The following CTNND2 variants were observed in gnomAD, a reference collection of about 807,000 sequenced individuals.
The protein encoded by CTNND2 is catenin delta-2.
A neutral mutation model predicts 144.4 loss-of-function variants in CTNND2; 22 were observed. That is an observed-to-expected ratio of 0.15 (90% CI 0.11 to 0.22). The LOEUF is 0.22. Ranked by LOEUF, CTNND2 falls within the 10% of genes least tolerant of loss-of-function variation. CTNND2 has a pLI of 1.00. For missense variants in CTNND2, 1,353 were observed against 1,618.8 expected, an observed-to-expected ratio of 0.84 and a Z score of 2.82; for synonymous variants, 751 against 695.6, an observed-to-expected ratio of 1.08 and a Z score of -1.25.
chr5:11,778,602 C>G (rs1256774641), intron 1 of CTNND2, among the ~76,000 whole-genome samples: 1 of 152,120 alleles, frequency 6.6e-6, no homozygotes, highest in Non-Finnish European at 1.5e-5. Flanking sequence ...GACCAGTACT[C>G]CCCAAAACTG....
intron 20 of CTNND2, among the ~76,000 whole-genome samples, chr5:10,985,716 CT>C (rs2149491367): frequency 6.6e-6 from 1 of 152,284 alleles, no homozygotes; most frequent in Non-Finnish European, 1.5e-5. Context: ...AAAAGCATTG[CT>C]TTTGATGTTG....
intron 3 of CTNND2, among the ~76,000 whole-genome samples, chr5:11,466,922 A>G (rs1427534394): frequency 6.6e-6 from 1 of 152,148 alleles, no homozygotes; most frequent in Non-Finnish European, 1.5e-5. Flanking sequence ...GCAATTCACC[A>G]TGAAAGAAAT....
intron 9 of CTNND2, among the ~76,000 whole-genome samples, chr5:11,237,065 G>A (rs529139398): frequency 6.0e-5 from 9 of 150,906 alleles, no homozygotes; most frequent in Admixed American, 4.6e-4. Context: ...TGTCGCCCAG[G>A]CTGGAGTGCA....
chr5:11,579,926 T>C (rs758283866), intron 2 of CTNND2, among the ~76,000 whole-genome samples: 1 of 152,198 alleles, frequency 6.6e-6, no homozygotes, highest in Non-Finnish European at 1.5e-5. Flanking sequence ...TCCCTACATA[T>C]TGGGCCAATT....
chr5:11,268,940 G>T (rs1188529517), intron 9 of CTNND2, among the ~76,000 whole-genome samples: 1 of 152,200 alleles, frequency 6.6e-6, no homozygotes, highest in Non-Finnish European at 1.5e-5. Flanking sequence ...AAGAGATAGG[G>T]AATGTTAGTT....
At chr5:11,152,428 T>G (rs1757823569) in intron 12 of CTNND2, among the ~76,000 whole-genome samples, 1 of 152,214 alleles carries the variant, frequency 6.6e-6, no homozygotes, top group African/African-American at 2.4e-5. Context: ...AATAGACATA[T>G]CATACAGCCT....
At chr5:11,620,895 A>G (rs16901810) in intron 2 of CTNND2, among the ~76,000 whole-genome samples, 2,242 of 152,246 alleles carry the variant, frequency 0.015, 60 homozygotes, top group African/African-American at 0.051. Context: ...TAGTCTATTT[A>G]GTGCTCAGGG....
chr5:11,662,680 A>G (rs1171385856), intron 2 of CTNND2, among the ~76,000 whole-genome samples: 3 of 152,062 alleles, frequency 2.0e-5, no homozygotes, highest in Non-Finnish European at 2.9e-5. Flanking sequence ...CCAAGTTGAC[A>G]CTCAGTATTA....
intron 3 of CTNND2, among the ~76,000 whole-genome samples, chr5:11,512,892 A>T: frequency 6.6e-6 from 1 of 152,138 alleles, no homozygotes; most frequent in Non-Finnish European, 1.5e-5. Context: ...CCCAAACTAC[A>T]CATCCACTCA....
At chr5:11,337,424 C>T (rs985481162) in intron 9 of CTNND2, among the ~76,000 whole-genome samples, 1 of 152,168 alleles carries the variant, frequency 6.6e-6, no homozygotes, top group African/African-American at 2.4e-5. Flanking sequence ...CTTCCCCCAC[C>T]TACCAAGGAC....
chr5:11,843,557 A>T (rs949215094), intron 1 of CTNND2, among the ~76,000 whole-genome samples: 4 of 152,216 alleles, frequency 2.6e-5, no homozygotes, highest in Non-Finnish European at 5.9e-5. Flanking sequence ...CATAAACCTG[A>T]TCTCAACAAA....
chr5:11,067,368 T>G (rs1457251359), intron 16 of CTNND2, among the ~76,000 whole-genome samples: 1 of 152,272 alleles, frequency 6.6e-6, no homozygotes, highest in Admixed American at 6.5e-5. Flanking sequence ...TGTTTATTTT[T>G]CTTCTCCTTT....
intron 16 of CTNND2, among the ~76,000 whole-genome samples, chr5:11,042,649 T>C (rs1744800976): frequency 6.6e-6 from 1 of 152,204 alleles, no homozygotes; most frequent in Admixed American, 6.5e-5. Context: ...CTACTTCTAA[T>C]GTAAATTATA....
At chr5:11,724,869 T>TA (rs1786918368) in intron 2 of CTNND2, among the ~76,000 whole-genome samples, 1 of 152,198 alleles carries the variant, frequency 6.6e-6, no homozygotes, top group East Asian at 1.9e-4. Context: ...TGAAGCTATT[T>TA]AGCAATGTCT....
At chr5:11,879,371 A>ATG (rs1258913037) in intron 1 of CTNND2, among the ~76,000 whole-genome samples, 4 of 137,266 alleles carry the variant, frequency 2.9e-5, no homozygotes, top group Non-Finnish European at 3.3e-5. Flanking sequence ...ATACACACAC[A>ATG]CACAAACATA....
At chr5:11,554,310 T>C (rs893766353) in intron 3 of CTNND2, among the ~76,000 whole-genome samples, 20 of 152,206 alleles carry the variant, frequency 1.3e-4, no homozygotes, top group Non-Finnish European at 2.1e-4. Flanking sequence ...AGAATATCAG[T>C]TCAAGAATGT....
At chr5:11,229,565 T>C (rs1740746184) in intron 10 of CTNND2, among the ~76,000 whole-genome samples, 1 of 151,942 alleles carries the variant, frequency 6.6e-6, no homozygotes, top group Non-Finnish European at 1.5e-5. Flanking sequence ...CATTTAAAAA[T>C]AATCCCTATA....
chr5:11,547,258 A>G (rs1775320921), intron 3 of CTNND2, among the ~76,000 whole-genome samples: 1 of 149,256 alleles, frequency 6.7e-6, no homozygotes, highest in Admixed American at 6.7e-5. Context: ...ACAGTGTGAG[A>G]TTCCATCTCA....
At chr5:11,461,699 C>T (rs1482015231) in intron 3 of CTNND2, among the ~76,000 whole-genome samples, 2 of 152,040 alleles carry the variant, frequency 1.3e-5, no homozygotes. Flanking sequence ...ATCATTCAGC[C>T]AACACTTCTT....
Sources: gnomAD v4.1 joint callset for allele counts (sites outside exome capture counted in the v4.1 genomes callset) on GRCh38, gnomAD v4.1.1 for gene constraint, MANE v1.5 for transcripts, NCBI Gene and HGNC (gene_info 2026-07-23, HGNC 2026-07-21) for gene names.